ABCB1: variants seen among roughly 807,000 people sequenced by gnomAD.
ABCB1 encodes ATP binding cassette subfamily B member 1.
Under a neutral mutation model 142.0 loss-of-function variants are expected in ABCB1, and 69 were observed. That is an observed-to-expected ratio of 0.49 (90% confidence interval 0.40 to 0.59). The LOEUF is 0.59. ABCB1 is among the 20% of genes least tolerant of loss of function. The pLI, the probability that ABCB1 is intolerant of heterozygous loss-of-function variation, is 0.00. For missense variants in ABCB1, 1,326 were observed against 1,554.7 expected (o/e 0.85, Z 2.47); for synonymous variants, 532 against 539.2 (o/e 0.99, Z 0.18).
intron 1 of ABCB1, among the ~76,000 whole-genome samples, chr7:87,697,613 G>A (rs916715): frequency 6.6e-6 from 1 of 152,194 alleles, no homozygotes; most frequent in South Asian, 2.1e-4. Context: ...TGTGATGCAA[G>A]GAGAGCTTGG....
chr7:87,563,400 A>T (rs1563054133), intron 7 of ABCB1: 1 of 455,128 alleles, frequency 2.2e-6, no homozygotes, highest in South Asian at 1.6e-5. Flanking sequence ...AACAAATATG[A>T]TACAAATATC....
rs139503670 is a variant in ABCB1, at chr7:87,700,448, G to A, written c.-331+12713C>T. 1.9e-6 allele frequency: 3 copies of A among 1,612,234 alleles called. No individual in the cohort carries two copies. In the South Asian group the frequency reaches 3.3e-5, roughly 18 times the overall value. On this transcript the variant is annotated intron_variant, in intron 1 of 28. Coordinates refer to the ABCB1 transcript ENST00000265724. The stretch of plus-strand genomic sequence containing the variant: ...CAAGTAACCTGGTTTGGTTATGAAA[G>A]TCCTCGTAGCTTCTGGGACTATATC...
intron 4 of ABCB1, among the ~76,000 whole-genome samples, chr7:87,579,707 G>A (rs2129893897): frequency 6.6e-6 from 1 of 151,724 alleles, no homozygotes; most frequent in East Asian, 1.9e-4. Context: ...GTTGTTTTTT[G>A]TGATCTTCTC....
chr7:87,628,126 G>A (rs1456304672), intron 1 of ABCB1, among the ~76,000 whole-genome samples: 1 of 152,214 alleles, frequency 6.6e-6, no homozygotes, highest in Admixed American at 6.5e-5. Context: ...CAGGCAAGGG[G>A]GGGGCAATAG....
intron 7 of ABCB1, chr7:87,565,411 G>T (rs531804473): frequency 8.5e-5 from 37 of 435,804 alleles, no homozygotes; most frequent in South Asian, 6.0e-4. Flanking sequence ...AGTTTTAAAA[G>T]ATCACTGGAA....
At chr7:87,565,978 G>C in intron 7 of ABCB1, 92 bp downstream of exon 7, 1 of 1,373,180 alleles carries the variant, frequency 7.3e-7, no homozygotes, top group East Asian at 2.3e-5. Context: ...TACAGAATCA[G>C]AGTCATCATG....
chr7:87,642,740 A>G (rs1822580240), intron 1 of ABCB1, among the ~76,000 whole-genome samples: 1 of 151,948 alleles, frequency 6.6e-6, no homozygotes, highest in Non-Finnish European at 1.5e-5. Flanking sequence ...TTCTAACGTT[A>G]TTTTTTATGT....
At chr7:87,553,680 T>C in intron 9 of ABCB1, 81 bp downstream of exon 9, 2 of 1,441,442 alleles carry the variant, frequency 1.4e-6, no homozygotes, top group Non-Finnish European at 1.9e-6. Context: ...TCAAAATATA[T>C]TCTTCTAAAG....
intron 1 of ABCB1, among the ~76,000 whole-genome samples, chr7:87,614,465 G>T (rs548359001): frequency 2.8e-4 from 43 of 152,176 alleles, no homozygotes; most frequent in Non-Finnish European, 4.4e-4. Context: ...AAGAATGAAA[G>T]AAAGAGAAAG....
Position 87,542,095 on chromosome 7 carries a change from C to T in ABCB1, c.2212-631G>A, listed in dbSNP as rs28381934. 3.7e-3 allele frequency among the ~76,000 whole-genome samples: 560 copies of T among 152,254 alleles called. 5 individuals are homozygous for T. Among genetic ancestry groups the T allele is most frequent in the African/African-American group, 0.013 (530 of 41,544 alleles). On this transcript the variant is annotated intron_variant, in intron 17 of 27. Transcript: ENST00000622132. ...AACCATTCCTCAGGGAAAGAAAACA[C>T]GTATCTCCCTTCACAGTGGGCCAAA... is the stretch of plus-strand genomic sequence containing the variant.
At chr7:87,519,512 T>C (rs775036404) in intron 22 of ABCB1, 46 bp from the exon 23 acceptor site, 3 of 1,612,110 alleles carry the variant, frequency 1.9e-6, no homozygotes, top group South Asian at 2.2e-5. Context: ...CATTTCTCAG[T>C]CCTTAAAATG....
intron 27 of ABCB1, among the ~76,000 whole-genome samples, chr7:87,505,347 A>G (rs558129214): frequency 2.6e-5 from 4 of 152,190 alleles, no homozygotes; most frequent in Admixed American, 6.5e-5. Context: ...TAATGTGTTT[A>G]CCTTAGTTTC....
At chr7:87,578,688 C>T (rs911663715) in intron 4 of ABCB1, among the ~76,000 whole-genome samples, 39 of 132,094 alleles carry the variant, frequency 3.0e-4, no homozygotes, top group African/African-American at 1.1e-3. Context: ...AATGAGACTA[C>T]TTTCTTTTTT....
At chr7:87,542,638 A>C (rs1816590766) in intron 17 of ABCB1, among the ~76,000 whole-genome samples, 1 of 147,958 alleles carries the variant, frequency 6.8e-6, no homozygotes, top group Admixed American at 6.9e-5. Flanking sequence ...AACCAAACCC[A>C]TTCCTAACTT....
intron 11 of ABCB1, 37 bp downstream of exon 11, chr7:87,550,431 A>G (rs374207231): frequency 2.5e-6 from 4 of 1,604,780 alleles, no homozygotes; most frequent in Non-Finnish European, 3.4e-6. Context: ...CTCTTCATTC[A>G]ATAGATTAAT....
chr7:87,634,942 A>G (rs1454087950), intron 1 of ABCB1, among the ~76,000 whole-genome samples: 2 of 152,176 alleles, frequency 1.3e-5, no homozygotes, highest in Non-Finnish European at 2.9e-5. Flanking sequence ...CTAGTCCTAG[A>G]GTAGACATTT....
intron 4 of ABCB1, among the ~76,000 whole-genome samples, chr7:87,576,385 T>C (rs1818275184): frequency 6.7e-6 from 1 of 150,366 alleles, no homozygotes; most frequent in South Asian, 2.1e-4. Flanking sequence ...CACAGAGCTA[T>C]ACATATACAC....
At chr7:87,516,359 T>A in intron 24 of ABCB1, 150 bp downstream of exon 24, 1 of 955,062 alleles carries the variant, frequency 1.0e-6, no homozygotes, top group Non-Finnish European at 1.6e-6. Context: ...TTGATGTATA[T>A]TATTAGCAGT....
chr7:87,676,216 G>A (rs1395054930), intron 1 of ABCB1, among the ~76,000 whole-genome samples: 1 of 152,118 alleles, frequency 6.6e-6, no homozygotes, highest in African/African-American at 2.4e-5. Context: ...GATAGAACAA[G>A]ACCCTGTCTA....
Sources: allele counts gnomAD v4.1 joint callset (sites outside exome capture counted in the v4.1 genomes callset), GRCh38; gene constraint gnomAD v4.1.1; transcripts MANE v1.5; gene names NCBI Gene and HGNC (gene_info 2026-07-23, HGNC 2026-07-21).